WDFY3: variants seen among roughly 807,000 people sequenced by gnomAD.
WDFY3 encodes WD repeat and FYVE domain-containing protein 3.
In WDFY3, 66 loss-of-function variants were observed where a neutral mutation model predicts 409.6. That is an observed-to-expected ratio of 0.16 (90% CI 0.13 to 0.20). WDFY3 has a LOEUF of 0.20. Ranked by LOEUF, WDFY3 falls within the 10% of genes least tolerant of loss-of-function variation. The probability of loss-of-function intolerance (pLI) is 1.00; values close to 1 mark genes in which losing one functional copy is unlikely to be tolerated. For missense variants in WDFY3, 3,031 were observed against 4,298.1 expected (o/e 0.71, Z 8.24); for synonymous variants, 1,521 against 1,537.1 (o/e 0.99, Z 0.25).
At chr4:84,868,213 T>G (rs1329713239) in intron 3 of WDFY3, among the ~76,000 whole-genome samples, 2 of 130,422 alleles carry the variant, frequency 1.5e-5, no homozygotes, top group African/African-American at 5.6e-5. Context: ...AAAAGATTTA[T>G]AAGCAATTCC....
intron 34 of WDFY3, 37 bp downstream of exon 34, chr4:84,755,229 G>A: frequency 6.3e-7 from 1 of 1,595,922 alleles, no homozygotes; most frequent in East Asian, 2.2e-5. Flanking sequence ...TAGGCAGGAG[G>A]AATTCTCAAT....
chr4:84,965,735 GGCTGCGCTCA>G (rs1438732042), intron 1 of WDFY3: 1 of 152,360 alleles, frequency 6.6e-6, no homozygotes, highest in Admixed American at 6.5e-5. Flanking sequence ...GGCCGCGCTC[GGCTGCGCTCA>G]GGTCCGGGTG....
intron 15 of WDFY3, among the ~76,000 whole-genome samples, chr4:84,806,891 C>T (rs1751604262): frequency 6.6e-6 from 1 of 151,846 alleles, no homozygotes; most frequent in Non-Finnish European, 1.5e-5. Context: ...ATTACAGGTG[C>T]GAGCCACCGC....
chr4:84,939,113 A>G (rs1771791742), intron 1 of WDFY3, among the ~76,000 whole-genome samples: 1 of 152,086 alleles, frequency 6.6e-6, no homozygotes, highest in Non-Finnish European at 1.5e-5. Context: ...TGCCTCCTTT[A>G]ATTTGGAACA....
intron 30 of WDFY3, among the ~76,000 whole-genome samples, chr4:84,769,183 C>G (rs1260646581): frequency 6.6e-6 from 1 of 152,152 alleles, no homozygotes; most frequent in Non-Finnish European, 1.5e-5. Flanking sequence ...GAATCTACTT[C>G]TGGTCAAAAT....
At chr4:84,748,353 A>T (rs1739883464) in intron 36 of WDFY3, among the ~76,000 whole-genome samples, 1 of 152,234 alleles carries the variant, frequency 6.6e-6, no homozygotes, top group Non-Finnish European at 1.5e-5. Context: ...TAAATTGTAT[A>T]GATGTGAAGA....
Position 84,828,922 on chromosome 4 carries a change from A to G in WDFY3, c.956+82T>C, listed in dbSNP as rs1304147336. 1.6e-5 allele frequency: 22 copies of G among 1,379,212 alleles called. No individual in the cohort carries two copies. In the East Asian group the frequency reaches 4.2e-4, roughly 26 times the overall value. The allele number at this position is 1,379,212 out of a possible 1,614,324, so 85.4% of individuals were successfully genotyped here. On this transcript the variant is annotated intron_variant, in intron 9 of 67. Coordinates refer to ENST00000295888, the MANE Select transcript of WDFY3 (RefSeq NM_014991.6). ...AGTGTTTCCTTAATTTGCTTTTCCT[A>G]TAACCCCAAATCACATTGTTTTCTT...
chr4:84,906,158 A>C (rs971084733), intron 2 of WDFY3, among the ~76,000 whole-genome samples: 1 of 152,244 alleles, frequency 6.6e-6, no homozygotes, highest in African/African-American at 2.4e-5. Flanking sequence ...TGAGCAAGTT[A>C]GGAATATTAG....
intron 47 of WDFY3, 37 bp from the exon 48 acceptor site, chr4:84,718,607 T>A (rs1229781128): frequency 6.3e-7 from 1 of 1,587,384 alleles, no homozygotes; most frequent in Non-Finnish European, 8.6e-7. Context: ...TAATATAGGC[T>A]TTTTGTAAAG....
chr4:84,707,180 T>A (rs1732108508), intron 53 of WDFY3, among the ~76,000 whole-genome samples: 1 of 152,100 alleles, frequency 6.6e-6, no homozygotes, highest in African/African-American at 2.4e-5. Context: ...TTTGCCCTCC[T>A]CGGCCTCCCA....
At position 84,718,478 on chromosome 4, in the gene WDFY3, A is replaced by G. The variant is rs1340263256; in HGVS notation, c.7698T>C (p.Asp2566=). 1.2e-6 allele frequency: 2 copies of G among 1,614,066 alleles called. No individual in the cohort carries two copies. The highest frequency in any genetic ancestry group is 2.7e-5 in the African/African-American group (2 of 75,032). ...LFGKEHFYVI[D]GFTMTATREI... ...CCCTGGTTGCTGTCATGGTAAATCC[A>G]TCAATCACATAAAAATGCTCTTTAC... The change falls in exon 48 of 68, where the codon GAT becomes GAC. Residue 2566 remains aspartate, a synonymous_variant. Transcript: ENST00000295888.
At chr4:84,761,703 A>C (rs1397499204) in intron 32 of WDFY3, among the ~76,000 whole-genome samples, 1 of 152,206 alleles carries the variant, frequency 6.6e-6, no homozygotes, top group African/African-American at 2.4e-5. Context: ...AAATTTTCAC[A>C]ACCTACTCAT....
intron 25 of WDFY3, among the ~76,000 whole-genome samples, chr4:84,782,320 G>A (rs551300296): frequency 5.9e-5 from 9 of 152,066 alleles, no homozygotes; most frequent in East Asian, 1.9e-4. Context: ...AAAGTTACAC[G>A]AAATTATATA....
intron 57 of WDFY3, 37 bp downstream of exon 57, chr4:84,696,695 G>A: frequency 6.3e-7 from 1 of 1,597,470 alleles, no homozygotes; most frequent in Non-Finnish European, 8.6e-7. Flanking sequence ...ATGACCAAAT[G>A]AAATTCAACT....
chr4:84,797,723 G>GTA, intron 18 of WDFY3, among the ~76,000 whole-genome samples: 1 of 151,996 alleles, frequency 6.6e-6, no homozygotes, highest in Non-Finnish European at 1.5e-5. Context: ...TGGGACTACA[G>GTA]GCGCCTGCCA....
intron 27 of WDFY3, among the ~76,000 whole-genome samples, chr4:84,776,388 G>A (rs985020065): frequency 1.3e-5 from 2 of 151,998 alleles, no homozygotes; most frequent in African/African-American, 4.8e-5. Flanking sequence ...AATTAGGGAT[G>A]CTATAAGAAG....
rs141241088 is a variant in WDFY3, at chr4:84,810,308, T to G, written c.1924A>C (p.Arg642=). The G allele has an allele frequency of 3.0e-5, 49 of 1,612,466 alleles. No individual in the cohort carries two copies. The highest frequency in any genetic ancestry group is 4.1e-5 in the Non-Finnish European group (48 of 1,179,422). Residue 642 remains arginine, a synonymous_variant, in exon 14 of 68, where the codon AGA becomes CGA. Coordinates refer to ENST00000295888, the MANE Select transcript of WDFY3 (RefSeq NM_014991.6). ...CCTCCAACTTTCCTAAAAACTGTTC[T>G]TGAACGATGGCTTTCTCGAAGGACC... ...LSVLRESHRS[R]TVFRKVGGFV...
At chr4:84,744,839 C>T (rs1311933542) in intron 36 of WDFY3, among the ~76,000 whole-genome samples, 10 of 109,300 alleles carry the variant, frequency 9.1e-5, no homozygotes, top group Non-Finnish European at 1.3e-4. Context: ...GGCGACAGAG[C>T]GAGACTCCGT....
chr4:84,838,488 G>C lies in WDFY3; in HGVS notation c.415-1398C>G, dbSNP rs551533780. 1.4e-4 allele frequency among the ~76,000 whole-genome samples: 22 copies of C among 152,274 alleles called. No individual in the cohort carries two copies. In the East Asian group the frequency reaches 4.2e-3, roughly 29 times the overall value. On this transcript the variant is annotated intron_variant, in intron 6 of 67. Transcript: ENST00000295888. ...AAAAGAGCTAGATTTCAGAAAATTA[G>C]CTGGTGGTAATACAGATCATAAATT...
Sources: allele counts gnomAD v4.1 joint callset (sites outside exome capture counted in the v4.1 genomes callset), GRCh38; gene constraint gnomAD v4.1.1; transcripts MANE v1.5; gene names NCBI Gene and HGNC (gene_info 2026-07-23, HGNC 2026-07-21).